P3H3: variants seen among roughly 807,000 people sequenced by gnomAD.
The protein encoded by P3H3 is prolyl 3-hydroxylase 3.
A neutral mutation model predicts 78.1 loss-of-function variants in P3H3; 64 were observed. The observed-to-expected ratio is 0.82, with a 90% CI of 0.67 to 1.01. The LOEUF is 1.01. P3H3 is among the 50% of genes least tolerant of loss of function. The pLI is 0.00. For missense variants in P3H3, 975 were observed against 982.2 expected, an observed-to-expected ratio of 0.99 and a Z score of 0.10; for synonymous variants, 425 against 416.7, an observed-to-expected ratio of 1.02 and a Z score of -0.24.
At chr12:6,835,423 A>C (rs782384445) in intron 9 of P3H3, among the ~76,000 whole-genome samples, 1 of 152,148 alleles carries the variant, frequency 6.6e-6, no homozygotes, top group East Asian at 1.9e-4. Flanking sequence ...TCTTTACTAA[A>C]AATACAAAAA....
rs1453206027 is a variant in P3H3 at position 6,828,576 on chromosome 12, CGCGCCTACGCGGCCGGGGCTTGG to C, written c.142_164del (p.Tyr48GlyfsTer141). 15 of 1,227,268 alleles carry C rather than the reference CGCGCCTACGCGGCCGGGGCTTGG, an allele frequency of 1.2e-5. No individual in the cohort carries two copies. Among genetic ancestry groups the C allele is most frequent in the Non-Finnish European group, 1.3e-5 (13 of 984,986 alleles). The allele number at this position is 1,227,268 out of a possible 1,614,324, so 76.0% of individuals were successfully genotyped here. A position where few individuals can be genotyped will look rare whatever the true frequency, so the allele number is the denominator to read the frequency against. Reference sequence around the variant, plus strand: ...CGACTTGCTCTACGCTGACGGGCTGCGCGCCTACGCGGCCGGGGCTTGGGCGCCGGCCGTGGCGCTGCTGCGGG... The same window carrying C: ...CGACTTGCTCTACGCTGACGGGCTGCGCGCCGGCCGTGGCGCTGCTGCGGG... On this transcript the variant is annotated frameshift_variant, in exon 1 of 15. Transcript: ENST00000290510. LOFTEE classifies it high-confidence loss of function.
intron 9 of P3H3, among the ~76,000 whole-genome samples, chr12:6,835,222 AGT>A (rs1329405073): frequency 1.3e-5 from 2 of 152,186 alleles, no homozygotes; most frequent in African/African-American, 2.4e-5. Context: ...GGATAATAAT[AGT>A]GTTTTTGTCA....
chr12:6,837,820 G>A lies in P3H3; in HGVS notation c.1800G>A (p.Glu600=). 4 of 1,612,204 alleles carry A rather than the reference G, an allele frequency of 2.5e-6. No homozygotes were observed. Among genetic ancestry groups the A allele is most frequent in the South Asian group, 1.1e-5 (1 of 90,694 alleles). ...CTGACACGGGAGAGTGCTGGCGGGAGCCCCCAGCCTACACCTATCGGGACT... is the reference window on the plus strand; with the variant it reads ...CTGACACGGGAGAGTGCTGGCGGGAACCCCCAGCCTACACCTATCGGGACT... ...LDPDTGECWR[E]PPAYTYRDYS... Residue 600 remains glutamate, a synonymous_variant, in exon 12 of 15, where the codon GAG becomes GAA. Transcript: ENST00000290510.
At position 6,830,997 on chromosome 12, in the gene P3H3, T is replaced by C. The variant is rs371430019; in HGVS notation, c.986-219T>C. On this transcript the variant is annotated intron_variant, in intron 4 of 14. Coordinates refer to ENST00000290510, the MANE Select transcript of P3H3 (RefSeq NM_014262.5). Reference sequence around the variant, plus strand: ...TGCTGCTTCTCACCTTCCTTTATTTTCCCCCCTCTTGCTCTTCTTTGAACT... The same window carrying C: ...TGCTGCTTCTCACCTTCCTTTATTTCCCCCCCTCTTGCTCTTCTTTGAACT... 94 of 827,398 alleles carry C rather than the reference T, an allele frequency of 1.1e-4. No homozygotes were observed. The African/African-American group carries it at 1.4e-3, about 13-fold the overall frequency. 51.3% of individuals were successfully genotyped at this position (827,398 alleles called of 1,614,324 possible). A position where few individuals can be genotyped will look rare whatever the true frequency, so the allele number is the denominator to read the frequency against.
Position 6,837,725 on chromosome 12 carries a change from G to A in P3H3, c.1712-7G>A, listed in dbSNP as rs1555122403. 6.2e-7 allele frequency: 1 copy of A among 1,609,252 alleles called. No homozygotes were observed. The highest frequency in any genetic ancestry group is 8.5e-7 in the Non-Finnish European group (1 of 1,177,764). ...CAGAGGTACCCCCAGACCCCTTTGT[G>A]TCCTAGGAGAGCAAGAGCAGCGCAT... On this transcript the variant is annotated splice_region_variant and splice_polypyrimidine_tract_variant and intron_variant, in intron 11 of 14. Coordinates refer to ENST00000290510, the MANE Select transcript of P3H3 (RefSeq NM_014262.5).
chr12:6,837,950 C>T lies in P3H3; in HGVS notation c.1830-8C>T. 6.2e-7 allele frequency: 1 copy of T among 1,602,090 alleles called. No individual in the cohort carries two copies. The highest frequency in any genetic ancestry group is 8.5e-7 in the Non-Finnish European group (1 of 1,174,158). ...GTCTCACTGCCTCTTGCTTTTTTCC[C>T]TCCCCAGCGGACTCCTCTACCTCAA... On this transcript the variant is annotated splice_polypyrimidine_tract_variant and splice_region_variant and intron_variant, in intron 12 of 14. Coordinates refer to ENST00000290510, the MANE Select transcript of P3H3 (RefSeq NM_014262.5).
At chr12:6,838,944 G>T (rs1943528815) in intron 13 of P3H3, 56 bp from the exon 14 acceptor site, 2 of 1,504,422 alleles carry the variant, frequency 1.3e-6, no homozygotes, top group Admixed American at 2.1e-5. Context: ...GGGAGTGAGG[G>T]CCAAGTTCTC....
intron 9 of P3H3, among the ~76,000 whole-genome samples, chr12:6,836,309 C>T (rs747460830): frequency 2.0e-5 from 3 of 150,316 alleles, no homozygotes; most frequent in Non-Finnish European, 2.9e-5. Flanking sequence ...TGTATGCAGG[C>T]GTAACTAGAT....
Position 6,834,179 on chromosome 12 carries a change from C to T in P3H3, c.1458+130C>T. 4 of 1,356,208 alleles carry T rather than the reference C, an allele frequency of 2.9e-6. No homozygotes were observed. In the South Asian group the frequency reaches 4.1e-5, roughly 14 times the overall value. The allele number at this position is 1,356,208 out of a possible 1,614,324, so 84.0% of individuals were successfully genotyped here. A position where few individuals can be genotyped will look rare whatever the true frequency, so the allele number is the denominator to read the frequency against. On this transcript the variant is annotated intron_variant, in intron 9 of 14. Coordinates refer to ENST00000290510, the MANE Select transcript of P3H3 (RefSeq NM_014262.5). ...CAACCGGGACTGTGCTTACCACTGCCTCTCAGCTGTGGATAAGTTCCGTCT... is the reference window on the plus strand; with the variant it reads ...CAACCGGGACTGTGCTTACCACTGCTTCTCAGCTGTGGATAAGTTCCGTCT...
At chr12:6,833,515 G>C in intron 6 of P3H3, 77 bp from the exon 7 acceptor site, 1 of 1,389,138 alleles carries the variant, frequency 7.2e-7, no homozygotes, top group South Asian at 1.2e-5. Context: ...GAAACTTAAT[G>C]AGATATTTCA....
chr12:6,833,932 T>C lies in P3H3; in HGVS notation c.1341T>C (p.Leu447=), dbSNP rs1555121783. ...CTGTCTTTTCCCTGGCAGATGTCCTTCTCCTGGAGGGTGTGACCTTGACCC... is the reference window on the plus strand; with the variant it reads ...CTGTCTTTTCCCTGGCAGATGTCCTCCTCCTGGAGGGTGTGACCTTGACCC... ...PKPLTYWKDV[L]LLEGVTLTQD... Residue 447 remains leucine, a synonymous_variant, in exon 9 of 15, where the codon CTT becomes CTC. Coordinates refer to ENST00000290510, the MANE Select transcript of P3H3 (RefSeq NM_014262.5). The C allele has an allele frequency of 6.2e-7, 1 of 1,613,926 alleles. No individual in the cohort carries two copies. The highest frequency in any genetic ancestry group is 1.1e-5 in the South Asian group (1 of 91,084).
Position 6,829,961 on chromosome 12 carries a change from T to TACTTAGCTCTGGGG in P3H3, c.601_602insACTTAGCTCTGGGG (p.Ser201TyrfsTer44). The stretch of plus-strand genomic sequence containing the variant: ...GGACATGGCTAAGTACAGACGAATG[T>TACTTAGCTCTGGGG]CGGGAGTTCGGCCCCAGAGCTTCCG... On this transcript the variant is annotated frameshift_variant, in exon 2 of 15. Transcript: ENST00000290510. LOFTEE classifies it high-confidence loss of function. This position sits in a 1 kb window ranked among gnomAD's most constrained non-coding sequence, Gnocchi z 5.1. 1 of 1,613,986 alleles carries TACTTAGCTCTGGGG rather than the reference T, an allele frequency of 6.2e-7. No homozygotes were observed. Among genetic ancestry groups the TACTTAGCTCTGGGG allele is most frequent in the Non-Finnish European group, 8.5e-7 (1 of 1,179,872 alleles).
chr12:6,836,954 G>C, intron 9 of P3H3, 31 bp from the exon 10 acceptor site: 1 of 1,548,322 alleles, frequency 6.5e-7, no homozygotes. Flanking sequence ...GGCTGGGGGA[G>C]TGACTCCACG....
Position 6,830,715 on chromosome 12 carries a change from T to C in P3H3, c.930T>C (p.Pro310=), listed in dbSNP as rs372485164. ...ETATRPGRSF[P]VPDFLPNQLR... ...CCACACGCCCTGGTCGCAGCTTCCC[T>C]GTCCCAGACTTCCTTCCCAACCAGC... The change falls in exon 4 of 15, where the codon CCT becomes CCC. Residue 310 remains proline, a synonymous_variant. Transcript: ENST00000290510. The C allele has an allele frequency of 1.4e-5, 22 of 1,613,830 alleles. No individual in the cohort carries two copies. The highest frequency in any genetic ancestry group is 1.9e-5 in the Non-Finnish European group (22 of 1,179,866).
chr12:6,837,610 C>A, intron 11 of P3H3, 37 bp downstream of exon 11: 1 of 1,602,392 alleles, frequency 6.2e-7, no homozygotes, highest in Non-Finnish European at 8.5e-7. Context: ...TCTCCAACCT[C>A]AGGCCCTGCC....
At chr12:6,837,288 G>A in intron 10 of P3H3, 135 bp from the exon 11 acceptor site, 1 of 1,286,928 alleles carries the variant, frequency 7.8e-7, no homozygotes, top group South Asian at 1.4e-5. Flanking sequence ...GAGCAGTTTG[G>A]GCTGATGGAC....
chr12:6,835,242 G>T (rs1384148044), intron 9 of P3H3, among the ~76,000 whole-genome samples: 1 of 152,108 alleles, frequency 6.6e-6, no homozygotes, highest in African/African-American at 2.4e-5. Flanking sequence ...TCATAGTGTC[G>T]TTGTGAGGAT....
Position 6,830,470 on chromosome 12 carries a change from T to C in P3H3, c.769T>C (p.Cys257Arg), listed in dbSNP as rs567422289. The C allele has an allele frequency of 5.7e-6, 9 of 1,588,678 alleles. No individual in the cohort carries two copies. The highest frequency in any genetic ancestry group is 7.7e-6 in the Non-Finnish European group (9 of 1,168,486). ...LAQMESCRADCEGPEEQQGAE... is the reference protein window; with the variant it reads ...LAQMESCRADREGPEEQQGAE... The stretch of plus-strand genomic sequence containing the variant: ...CCAGATGGAGAGCTGCCGTGCTGAC[T>C]GTGAGGGGCCTGAGGAGCAGCAGGG... The change falls in exon 3 of 15, where the codon TGT (cysteine) becomes CGT (arginine). Residue 257 changes from cysteine to arginine, a missense_variant. Transcript: ENST00000290510.
chr12:6,830,326 GTGAC>G (rs782467491), intron 2 of P3H3, 23 bp from the exon 3 acceptor site: 1 of 1,557,962 alleles, frequency 6.4e-7, no homozygotes, highest in South Asian at 1.2e-5. Context: ...TGGATCTTAG[GTGAC>G]TGACTGCTCC....
Sources: allele counts gnomAD v4.1 joint callset (sites outside exome capture counted in the v4.1 genomes callset), GRCh38; gene constraint gnomAD v4.1.1; non-coding constraint Gnocchi (gnomAD v3.1); transcripts MANE v1.5; gene names NCBI Gene and HGNC (gene_info 2026-07-23, HGNC 2026-07-21).